The following KIRREL3 variants were observed in gnomAD, a reference collection of about 807,000 sequenced individuals.
KIRREL3 encodes the protein kirre like nephrin family adhesion molecule 3.
A neutral mutation model predicts 89.7 loss-of-function variants in KIRREL3; 36 were observed. That is an observed-to-expected ratio of 0.40 (90% CI 0.31 to 0.53). KIRREL3 has a LOEUF of 0.53. KIRREL3 is among the 20% of genes least tolerant of loss of function. The pLI is 0.49. For missense variants in KIRREL3, 864 were observed against 1,056.6 expected, an observed-to-expected ratio of 0.82 and a Z score of 2.53; for synonymous variants, 445 against 441.4, an observed-to-expected ratio of 1.01 and a Z score of -0.10.
At chr11:126,597,214 C>T (rs776493752) in intron 1 of KIRREL3, among the ~76,000 whole-genome samples, 26 of 152,326 alleles carry the variant, frequency 1.7e-4, no homozygotes, top group Non-Finnish European at 3.1e-4. Flanking sequence ...TGGTCAAGAG[C>T]AGCCTCGCTG....
chr11:126,543,010 G>T (rs550884114), intron 2 of KIRREL3, among the ~76,000 whole-genome samples: 1 of 152,064 alleles, frequency 6.6e-6, no homozygotes, highest in Non-Finnish European at 1.5e-5. Flanking sequence ...CGTGGAGCAG[G>T]TCCCATCATC....
rs565091595 is a variant in KIRREL3, at chr11:126,445,367, G to C, written c.1126-262C>G. The stretch of plus-strand genomic sequence containing the variant: ...ATCCCAGGCGCAGCCCTGTGGGCTG[G>C]GGGCATGTGGGGGCACATGTGCCGG... On this transcript the variant is annotated intron_variant, in intron 9 of 16. Transcript: ENST00000525144. 1.5e-4 allele frequency among the ~76,000 whole-genome samples: 23 copies of C among 152,332 alleles called. No homozygotes were observed. The South Asian group carries it at 4.8e-3, about 32-fold the overall frequency.
chr11:126,771,044 C>T lies in KIRREL3; in HGVS notation c.56-208132G>A, dbSNP rs117633676. 6.7e-3 allele frequency among the ~76,000 whole-genome samples: 1,013 copies of T among 152,200 alleles called. 2 individuals carry two copies. Among genetic ancestry groups the T allele is most frequent in the Middle Eastern group, 0.014 (4 of 294 alleles). ...AGAGATGGAGTTTTGCCATGTTGAC[C>T]GGGCTGGGATTGAACTCCTGACCTC... On this transcript the variant is annotated intron_variant, in intron 1 of 16. Transcript: ENST00000525144. The surrounding 1 kb of genome is among the most constrained non-coding windows in gnomAD (Gnocchi z 4.4).
intron 7 of KIRREL3, among the ~76,000 whole-genome samples, chr11:126,451,754 G>A (rs938846092): frequency 2.6e-5 from 4 of 152,310 alleles, no homozygotes; most frequent in South Asian, 2.1e-4. Flanking sequence ...GCTTCCTTAC[G>A]GATCTCCAGG....
At position 126,783,999 on chromosome 11, in the gene KIRREL3, G is replaced by C. The variant is rs577845970; in HGVS notation, c.55+216456C>G. Among the ~76,000 whole-genome samples, 1 of 152,288 alleles carries C rather than the reference G, an allele frequency of 6.6e-6. No homozygotes were observed. Among genetic ancestry groups the C allele is most frequent in the African/African-American group, 2.4e-5 (1 of 41,556 alleles). On this transcript the variant is annotated intron_variant, in intron 1 of 16. Transcript: ENST00000525144. The surrounding 1 kb of genome is among the most constrained non-coding windows in gnomAD (Gnocchi z 4.3). Reference sequence around the variant, plus strand: ...CTCGACCTCAGTGTAATCTTGAAAAGAGCATCAAACAAATCCCCATCGAGG... The same window carrying C: ...CTCGACCTCAGTGTAATCTTGAAAACAGCATCAAACAAATCCCCATCGAGG...
chr11:126,881,729 G>A (rs560419607), intron 1 of KIRREL3, among the ~76,000 whole-genome samples: 4 of 152,168 alleles, frequency 2.6e-5, no homozygotes, highest in African/African-American at 9.6e-5. Context: ...TGTATTTTTA[G>A]TAGAGATGGG....
chr11:126,934,705 C>T (rs1187019443), intron 1 of KIRREL3, among the ~76,000 whole-genome samples: 1 of 152,022 alleles, frequency 6.6e-6, no homozygotes, highest in African/African-American at 2.4e-5. Flanking sequence ...GGAATGATAT[C>T]CAAAATATAC....
intron 1 of KIRREL3, among the ~76,000 whole-genome samples, chr11:126,711,575 AAAC>A (rs1947757614): frequency 6.6e-6 from 1 of 152,220 alleles, no homozygotes. Context: ...AAAACCCAAA[AAAC>A]AACAACAAAA....
rs984170256 is a variant in KIRREL3 at position 126,666,581 on chromosome 11, A to G, written c.56-103669T>C. Among the ~76,000 whole-genome samples the G allele has an allele frequency of 2.6e-5, 4 of 152,200 alleles. No homozygotes were observed. Among genetic ancestry groups the G allele is most frequent in the Admixed American group, 2.0e-4 (3 of 15,284 alleles). ...TGAAGAAACATTTTTTCTCACTTAC[A>G]TGGCACAAGGAAAACAATATCAATG... On this transcript the variant is annotated intron_variant, in intron 1 of 16. Transcript: ENST00000525144. This position sits in a 1 kb window ranked among gnomAD's most constrained non-coding sequence, Gnocchi z 4.2.
Position 126,639,128 on chromosome 11 carries a change from A to G in KIRREL3, c.56-76216T>C, listed in dbSNP as rs2134919826. Among the ~76,000 whole-genome samples, 1 of 152,294 alleles carries G rather than the reference A, an allele frequency of 6.6e-6. No homozygotes were observed. The highest frequency in any genetic ancestry group is 1.9e-4 in the East Asian group (1 of 5,182). ...ACTTGGCCAGCCCCCCAATCATCCCAAAGCCCAGTTAAGAGAAACACTTCG... is the reference window on the plus strand; with the variant it reads ...ACTTGGCCAGCCCCCCAATCATCCCGAAGCCCAGTTAAGAGAAACACTTCG... On this transcript the variant is annotated intron_variant, in intron 1 of 16. Transcript: ENST00000525144. The surrounding 1 kb of genome is among the most constrained non-coding windows in gnomAD (Gnocchi z 4.3).
intron 2 of KIRREL3, among the ~76,000 whole-genome samples, chr11:126,536,698 C>CAGT (rs142261060): frequency 0.2 from 27,580 of 135,998 alleles, 2,881 homozygotes; most frequent in Middle Eastern, 0.3. Context: ...GGCTAAAGTG[C>CAGT]AGTGGTGCGA....
chr11:126,967,499 GC>G (rs1372604694), intron 1 of KIRREL3, among the ~76,000 whole-genome samples: 1 of 152,090 alleles, frequency 6.6e-6, no homozygotes, highest in Non-Finnish European at 1.5e-5. Context: ...ACCTTCAGGT[GC>G]CCTTTTCTAT....
rs531195627 is a variant in KIRREL3, at chr11:126,558,137, GC to G, written c.133+4697del. On this transcript the variant is annotated intron_variant, in intron 2 of 16. Coordinates refer to ENST00000525144, the MANE Select transcript of KIRREL3 (RefSeq NM_032531.4). The surrounding 1 kb of genome is among the most constrained non-coding windows in gnomAD (Gnocchi z 4.0). ...GAGGGAGGAGTACCCTCCTGTGCAG[GC>G]CCCCCTCTGCCCCAAGGGGATGGCT... Among the ~76,000 whole-genome samples, 1 of 152,262 alleles carries G rather than the reference GC, an allele frequency of 6.6e-6. No homozygotes were observed. Among genetic ancestry groups the G allele is most frequent in the East Asian group, 1.9e-4 (1 of 5,166 alleles).
chr11:126,911,018 CTCTT>C (rs1253890906), intron 1 of KIRREL3, among the ~76,000 whole-genome samples: 1 of 152,200 alleles, frequency 6.6e-6, no homozygotes, highest in Non-Finnish European at 1.5e-5. Context: ...GCCACAGGGA[CTCTT>C]TCTGCATTTT....
chr11:126,643,019 T>TCC lies in KIRREL3; in HGVS notation c.56-80108_56-80107insGG. ...CCATCCATCCATCCATCCATCCATC[T>TCC]ATCCATCCATCCAATGCAAGGCATA... On this transcript the variant is annotated intron_variant, in intron 1 of 16. Coordinates refer to ENST00000525144, the MANE Select transcript of KIRREL3 (RefSeq NM_032531.4). The surrounding 1 kb of genome is among the most constrained non-coding windows in gnomAD (Gnocchi z 4.5). 9.4e-6 allele frequency among the ~76,000 whole-genome samples: 1 copy of TCC among 106,316 alleles called. No homozygotes were observed. The highest frequency in any genetic ancestry group is 8.9e-5 in the Admixed American group (1 of 11,212). The allele number at this position is 106,316 out of a possible 152,430, so 69.7% of individuals were successfully genotyped here.
rs535420925 is a variant in KIRREL3 at position 126,891,150 on chromosome 11, A to T, written c.55+109305T>A. On this transcript the variant is annotated intron_variant, in intron 1 of 16. Coordinates refer to ENST00000525144, the MANE Select transcript of KIRREL3 (RefSeq NM_032531.4). This position sits in a 1 kb window ranked among gnomAD's most constrained non-coding sequence, Gnocchi z 5.1. Reference sequence around the variant, plus strand: ...CTGCATTTAATGGCACATGGGTTTGAAGTGTACATAAGCCACAGTGGAAAC... The same window carrying T: ...CTGCATTTAATGGCACATGGGTTTGTAGTGTACATAAGCCACAGTGGAAAC... 6.6e-6 allele frequency among the ~76,000 whole-genome samples: 1 copy of T among 152,328 alleles called. No individual in the cohort carries two copies. Among genetic ancestry groups the T allele is most frequent in the African/African-American group, 2.4e-5 (1 of 41,566 alleles).
At chr11:126,451,993 C>T (rs1956194383) in intron 7 of KIRREL3, among the ~76,000 whole-genome samples, 1 of 152,100 alleles carries the variant, frequency 6.6e-6, no homozygotes, top group South Asian at 2.1e-4. Context: ...TTATCTTATT[C>T]CTGGAGCCTT....
intron 1 of KIRREL3, among the ~76,000 whole-genome samples, chr11:126,966,408 T>G (rs1252244725): frequency 6.6e-6 from 1 of 152,138 alleles, no homozygotes; most frequent in Non-Finnish European, 1.5e-5. Context: ...GAAATTGTTA[T>G]CTTGGGCGTA....
intron 1 of KIRREL3, among the ~76,000 whole-genome samples, chr11:126,637,103 C>T (rs187820899): frequency 6.6e-6 from 1 of 152,238 alleles, no homozygotes; most frequent in East Asian, 1.9e-4. Context: ...TCAGCCCCTC[C>T]CTACTCCCCT....
Sources: allele counts gnomAD v4.1 joint callset (sites outside exome capture counted in the v4.1 genomes callset), GRCh38; gene constraint gnomAD v4.1.1; non-coding constraint Gnocchi (gnomAD v3.1); transcripts MANE v1.5; gene names NCBI Gene and HGNC (gene_info 2026-07-23, HGNC 2026-07-21).